The following ZSCAN20 variants were observed in gnomAD, a reference collection of about 807,000 sequenced individuals.
ZSCAN20 encodes the protein zinc finger and SCAN domain containing 20, also known as zinc finger and SCAN domain-containing protein 20.
Under a neutral mutation model 97.1 loss-of-function variants are expected in ZSCAN20, and 39 were observed. The observed-to-expected ratio is 0.40, with a 90% CI of 0.31 to 0.52. ZSCAN20 has a LOEUF of 0.52. Among genes scored for constraint, ZSCAN20 ranks in the 20% least tolerant of loss-of-function variants. The pLI is 0.49. For synonymous variants in ZSCAN20, 456 were observed against 467.3 expected (o/e 0.98, Z 0.31); for missense variants, 1,115 against 1,290.4 (o/e 0.86, Z 2.08).
chr1:33,495,259 C>A lies in ZSCAN20; in HGVS notation c.2915C>A (p.Ser972Tyr). The A allele has an allele frequency of 6.2e-7, 1 of 1,612,688 alleles. No individual in the cohort carries two copies. Among genetic ancestry groups the A allele is most frequent in the Non-Finnish European group, 8.5e-7 (1 of 1,179,058 alleles). ...LECGKFFRDRSNLITHQRIHT... is the reference protein window; with the variant it reads ...LECGKFFRDRYNLITHQRIHT... ...TGTGGAAAATTCTTCCGTGACCGTTCTAACCTCATTACTCACCAGAGGATT... is the reference window on the plus strand; with the variant it reads ...TGTGGAAAATTCTTCCGTGACCGTTATAACCTCATTACTCACCAGAGGATT... The change falls in exon 8 of 8, where the codon TCT (serine) becomes TAT (tyrosine). Residue 972 changes from serine (S) to tyrosine (Y), a missense_variant. This residue lies in a region of ZSCAN20 where 554 missense variants were observed against 584.9 expected (regional missense o/e 0.95). Transcript: ENST00000684572.
chr1:33,485,341 C>T (rs142015016), intron 2 of ZSCAN20, among the ~76,000 whole-genome samples: 1 of 152,258 alleles, frequency 6.6e-6, no homozygotes, highest in African/African-American at 2.4e-5. Context: ...ATTATACTTT[C>T]AGTGTCTATG....
chr1:33,491,657 G>A lies in ZSCAN20; in HGVS notation c.1399G>A (p.Gly467Arg), dbSNP rs1300100165. 1 of 1,612,506 alleles carries A rather than the reference G, an allele frequency of 6.2e-7. No individual in the cohort carries two copies. The highest frequency in any genetic ancestry group is 8.5e-7 in the Non-Finnish European group (1 of 1,179,386). The change falls in exon 6 of 8, where the codon GGG (glycine) becomes AGG (arginine). Residue 467 changes from glycine (G) to arginine (R), a missense_variant. Transcript: ENST00000684572. This position sits in a 1 kb window ranked among gnomAD's most constrained non-coding sequence, Gnocchi z 4.3. ...CCTGGTCAATGTTGAGTCTACCCAG[G>A]GGCCCAGGATTGCAGGGGCCCCAGC... Reference protein sequence around the residue: ...AGLVNVESTQGPRIAGAPALF... With the variant: ...AGLVNVESTQRPRIAGAPALF...
At chr1:33,473,405 G>C (rs1387957513) in intron 1 of ZSCAN20, among the ~76,000 whole-genome samples, 2 of 152,108 alleles carry the variant, frequency 1.3e-5, no homozygotes, top group Non-Finnish European at 2.9e-5. Flanking sequence ...ATTGCACCTA[G>C]TGTGATCTGT....
chr1:33,474,989 C>G (rs1390922081), intron 1 of ZSCAN20, among the ~76,000 whole-genome samples: 1 of 152,166 alleles, frequency 6.6e-6, no homozygotes, highest in Non-Finnish European at 1.5e-5. Context: ...AAGCTGCAGC[C>G]TAGCTAGGCA....
In ZSCAN20 at chr1:33,495,229, T is replaced by C. The variant is rs559907394; in HGVS notation, c.2885T>C (p.Leu962Pro). Residue 962 changes from leucine (L) to proline (P), a missense_variant, in exon 8 of 8, where the codon CTT (leucine) becomes CCT (proline). Coordinates refer to ENST00000684572, the MANE Select transcript of ZSCAN20 (RefSeq NM_001377376.1). ...ACAGGAGAGAAGCCCTACAAATGCC[T>C]TGAGTGTGGAAAATTCTTCCGTGAC... ...VHTGEKPYKC[L>P]ECGKFFRDRS... 2 of 1,613,418 alleles carry C rather than the reference T, an allele frequency of 1.2e-6. No individual in the cohort carries two copies. Among genetic ancestry groups the C allele is most frequent in the East Asian group, 2.2e-5 (1 of 44,834 alleles).
At chr1:33,483,963 G>A (rs1652253193) in intron 2 of ZSCAN20, among the ~76,000 whole-genome samples, 1 of 151,968 alleles carries the variant, frequency 6.6e-6, no homozygotes, top group African/African-American at 2.4e-5. Flanking sequence ...GGATGAGAAT[G>A]TAAATGTTAT....
chr1:33,492,254 T>G (rs1652649373), intron 6 of ZSCAN20: 1 of 152,252 alleles, frequency 6.6e-6, no homozygotes, highest in African/African-American at 2.4e-5. Context: ...AGAGCCCGGA[T>G]CAGAGCCTGT....
At chr1:33,488,228 A>G (rs189010989) in intron 2 of ZSCAN20, among the ~76,000 whole-genome samples, 23 of 152,290 alleles carry the variant, frequency 1.5e-4, no homozygotes, top group African/African-American at 5.1e-4. Flanking sequence ...AATGTTTTGA[A>G]CAGTGGGACT....
At chr1:33,487,352 C>T (rs1652409609) in intron 2 of ZSCAN20, among the ~76,000 whole-genome samples, 1 of 152,136 alleles carries the variant, frequency 6.6e-6, no homozygotes. Context: ...GTTTTATAGC[C>T]TGGGTAACAC....
rs543436485 is a variant in ZSCAN20 at position 33,489,110 on chromosome 1, C to A, written c.605-5C>A. ...TGGGTTTCAGTGACTTTTTCTTTTCCTCAGCTGTCCTCACTCCCCGAGTCC... is the reference window on the plus strand; with the variant it reads ...TGGGTTTCAGTGACTTTTTCTTTTCATCAGCTGTCCTCACTCCCCGAGTCC... On this transcript the variant is annotated splice_polypyrimidine_tract_variant and splice_region_variant and intron_variant, in intron 3 of 7. Coordinates refer to ENST00000684572, the MANE Select transcript of ZSCAN20 (RefSeq NM_001377376.1). The A allele has an allele frequency of 6.2e-7, 1 of 1,607,188 alleles. No individual in the cohort carries two copies. The highest frequency in any genetic ancestry group is 1.7e-5 in the Admixed American group (1 of 59,542).
At chr1:33,483,612 T>G (rs1652237717) in intron 2 of ZSCAN20, among the ~76,000 whole-genome samples, 1 of 148,948 alleles carries the variant, frequency 6.7e-6, no homozygotes, top group African/African-American at 2.5e-5. Context: ...ACGAAATGGG[T>G]GGATTGCTTG....
intron 2 of ZSCAN20, among the ~76,000 whole-genome samples, chr1:33,480,537 A>G (rs1217456301): frequency 6.6e-6 from 1 of 152,202 alleles, no homozygotes; most frequent in Non-Finnish European, 1.5e-5. Flanking sequence ...ATATTAGTTG[A>G]CATTTTGTGA....
At position 33,496,323 on chromosome 1, in the gene ZSCAN20, C is replaced by T. The variant is rs1652862093; in HGVS notation, c.*847C>T. 6.6e-6 allele frequency: 1 copy of T among 152,132 alleles called. No individual in the cohort carries two copies. The highest frequency in any genetic ancestry group is 2.4e-5 in the African/African-American group (1 of 41,424). 9.4% of individuals were successfully genotyped at this position (152,132 alleles called of 1,614,324 possible). On this transcript the variant is annotated 3_prime_UTR_variant, in exon 8 of 8. Coordinates refer to ENST00000684572, the MANE Select transcript of ZSCAN20 (RefSeq NM_001377376.1). The stretch of plus-strand genomic sequence containing the variant: ...ACCACATTTCCTGTTATGAAATTTC[C>T]ACATTTTGAATTTTTTAAACAAATA...
chr1:33,482,925 C>G (rs1652207379), intron 2 of ZSCAN20, among the ~76,000 whole-genome samples: 1 of 152,138 alleles, frequency 6.6e-6, no homozygotes, highest in Non-Finnish European at 1.5e-5. Context: ...TCTTCTTACT[C>G]TTGAGTTTTA....
In ZSCAN20 at chr1:33,499,673, T is replaced by C. The variant is rs1407133244; in HGVS notation, c.*4197T>C. ...TTCTCCCTTCTAAGAGCATTTCCAG[T>C]TGGGCTGGAGTTACCCAGCTGCCTG... On this transcript the variant is annotated 3_prime_UTR_variant, in exon 8 of 8. Transcript: ENST00000684572. Among the ~76,000 whole-genome samples the C allele has an allele frequency of 6.6e-6, 1 of 152,246 alleles. No homozygotes were observed. The highest frequency in any genetic ancestry group is 6.5e-5 in the Admixed American group (1 of 15,290).
rs1553124198 is a variant in ZSCAN20 at position 33,501,550 on chromosome 1, T to TTTG, written c.*6074_*6075insTTG. 1.3e-5 allele frequency among the ~76,000 whole-genome samples: 2 copies of TTTG among 151,038 alleles called. No individual in the cohort carries two copies. The highest frequency in any genetic ancestry group is 2.9e-5 in the Non-Finnish European group (2 of 67,868). On this transcript the variant is annotated 3_prime_UTR_variant, in exon 8 of 8. Coordinates refer to ENST00000684572, the MANE Select transcript of ZSCAN20 (RefSeq NM_001377376.1). ...CATTTTCTGTTATTTTTTTTTTTTTTGTGCTGTTATGTACATCTCTTAAAG... is the reference window on the plus strand; with the variant it reads ...CATTTTCTGTTATTTTTTTTTTTTTTTTGGTGCTGTTATGTACATCTCTTAAAG...
chr1:33,498,624 T>C lies in ZSCAN20; in HGVS notation c.*3148T>C, dbSNP rs1318343160. Among the ~76,000 whole-genome samples, 2 of 152,180 alleles carry C rather than the reference T, an allele frequency of 1.3e-5. No homozygotes were observed. The highest frequency in any genetic ancestry group is 1.5e-5 in the Non-Finnish European group (1 of 68,020). ...TTCTGCTCTTGGGAAGTAGATTCAC[T>C]CTGCAGAATGGGTGGACAGTTTCTC... On this transcript the variant is annotated 3_prime_UTR_variant, in exon 8 of 8. Transcript: ENST00000684572.
At chr1:33,487,503 C>A (rs1414616319) in intron 2 of ZSCAN20, among the ~76,000 whole-genome samples, 6 of 142,324 alleles carry the variant, frequency 4.2e-5, no homozygotes, top group Non-Finnish European at 9.2e-5. Context: ...CTCTGAGTAC[C>A]TTTTTTTTTT....
At chr1:33,478,217 A>G (rs1652007850) in intron 1 of ZSCAN20, among the ~76,000 whole-genome samples, 1 of 152,102 alleles carries the variant, frequency 6.6e-6, no homozygotes. Flanking sequence ...AATAGAGCAG[A>G]GGTTGGGGTG....
Sources: allele counts gnomAD v4.1 joint callset (sites outside exome capture counted in the v4.1 genomes callset), GRCh38; gene constraint gnomAD v4.1.1; regional missense constraint gnomAD v4.1.1; non-coding constraint Gnocchi (gnomAD v3.1); transcripts MANE v1.5; gene names NCBI Gene and HGNC (gene_info 2026-07-23, HGNC 2026-07-21).